Variants in HDGFL2 observed in about 807,000 individuals in gnomAD.
HDGFL2 encodes the protein hepatoma-derived growth factor-related protein 2.
In HDGFL2, 36 loss-of-function variants were observed where a neutral mutation model predicts 77.1. The observed-to-expected ratio is 0.47, with a 90% CI of 0.36 to 0.62. HDGFL2 has a LOEUF of 0.62. Ranked by LOEUF, HDGFL2 falls within the 20% of genes least tolerant of loss-of-function variation. The pLI is 0.00. For missense variants in HDGFL2, 976 were observed against 973.4 expected (o/e 1.00, Z -0.04); for synonymous variants, 463 against 413.1 (o/e 1.12, Z -1.46).
At chr19:4,497,556 G>A (rs960066439) in intron 10 of HDGFL2, 6 of 301,488 alleles carry the variant, frequency 2.0e-5, no homozygotes, top group African/African-American at 8.9e-5. Flanking sequence ...AATTCGGCAG[G>A]CCGGTATGGC....
At chr19:4,492,450 A>T (rs1975541252) in intron 6 of HDGFL2, among the ~76,000 whole-genome samples, 1 of 149,874 alleles carries the variant, frequency 6.7e-6, no homozygotes, top group Non-Finnish European at 1.5e-5. Flanking sequence ...CTATGTGAGT[A>T]TATGTGGTGC....
At chr19:4,501,055 T>C in intron 14 of HDGFL2, 136 bp from the exon 15 acceptor site, 1 of 1,010,120 alleles carries the variant, frequency 9.9e-7, no homozygotes, top group Non-Finnish European at 1.4e-6. Context: ...GGACAGCAGG[T>C]GCTGGGGTCC....
chr19:4,491,100 G>A (rs932004782), intron 4 of HDGFL2, among the ~76,000 whole-genome samples: 2 of 152,056 alleles, frequency 1.3e-5, no homozygotes, highest in African/African-American at 2.4e-5. Context: ...GTGAGCCACC[G>A]TGCCTGGCCA....
In HDGFL2 at chr19:4,472,301, G is replaced by A. The variant is rs1479755102; in HGVS notation, c.-50G>A. On this transcript the variant is annotated 5_prime_UTR_variant, in exon 1 of 16. Transcript: ENST00000616600. ...TGCCGCCGCCGCCGCCGCCGCAGCCGCTACCGCCGCTGCAGCCGCTTTCCG... is the reference window on the plus strand; with the variant it reads ...TGCCGCCGCCGCCGCCGCCGCAGCCACTACCGCCGCTGCAGCCGCTTTCCG... The A allele has an allele frequency of 2.2e-6, 3 of 1,383,894 alleles. No homozygotes were observed. The highest frequency in any genetic ancestry group is 3.1e-5 in the Admixed American group (1 of 32,038). The allele number at this position is 1,383,894 out of a possible 1,614,324, so 85.7% of individuals were successfully genotyped here.
At chr19:4,500,033 C>T (rs948132039) in intron 14 of HDGFL2, among the ~76,000 whole-genome samples, 3 of 27,608 alleles carry the variant, frequency 1.1e-4, no homozygotes, top group East Asian at 9.7e-4. Context: ...CTCTGTGCAG[C>T]GGGGGCAAAG....
rs554175838 is a variant in HDGFL2, at chr19:4,498,147, G to A, written c.1402+116G>A. The stretch of plus-strand genomic sequence containing the variant: ...TAGAGAGGGTGCTCAGCACATCCTC[G>A]GCCGGCCTGGCCGGCGGTGCCTCCA... On this transcript the variant is annotated intron_variant, in intron 11 of 15. Coordinates refer to ENST00000616600, the MANE Select transcript of HDGFL2 (RefSeq NM_001001520.3). 7.5e-6 allele frequency: 9 copies of A among 1,197,386 alleles called. No homozygotes were observed. The Middle Eastern group carries it at 5.9e-4, about 78-fold the overall frequency. The allele number at this position is 1,197,386 out of a possible 1,614,324, so 74.2% of individuals were successfully genotyped here.
intron 10 of HDGFL2, 81 bp downstream of exon 10, chr19:4,496,486 GC>G: frequency 1.9e-6 from 2 of 1,065,644 alleles, no homozygotes; most frequent in Non-Finnish European, 2.8e-6. Flanking sequence ...CACAGGGGCA[GC>G]CCCACCTCTG....
chr19:4,492,560 GTGTC>G (rs1423907497), intron 6 of HDGFL2, among the ~76,000 whole-genome samples: 1 of 151,582 alleles, frequency 6.6e-6, no homozygotes, highest in African/African-American at 2.4e-5. Flanking sequence ...GTGTGTTTGT[GTGTC>G]TGGTGTGTCC....
intron 3 of HDGFL2, among the ~76,000 whole-genome samples, chr19:4,487,046 A>G (rs1344253746): frequency 6.6e-6 from 1 of 150,884 alleles, no homozygotes; most frequent in African/African-American, 2.4e-5. Context: ...GCTCACTGCA[A>G]CCTCTGCTTC....
At chr19:4,501,799 C>A in intron 15 of HDGFL2, 112 bp from the exon 16 acceptor site, 1 of 725,438 alleles carries the variant, frequency 1.4e-6, no homozygotes, top group Non-Finnish European at 2.1e-6. Context: ...GGCACTCGAG[C>A]CTCAGGTGCC....
At chr19:4,497,108 C>G in intron 10 of HDGFL2, 2 of 435,806 alleles carry the variant, frequency 4.6e-6, no homozygotes, top group Non-Finnish European at 9.1e-6. Context: ...CTCCTGACCC[C>G]GTGATCTGCC....
At chr19:4,493,101 GTGGTGTGTGTGTTGTCT>G (rs1232193556) in intron 6 of HDGFL2, among the ~76,000 whole-genome samples, 21 of 140,612 alleles carry the variant, frequency 1.5e-4, no homozygotes, top group South Asian at 6.7e-4. Context: ...TGTGTGGTGT[GTGGTGTGTGTGTTGTCT>G]GTGTGTGGTG....
At chr19:4,492,650 CTGTGTGGTGTGTGTGTCTGGTA>C (rs947505138) in intron 6 of HDGFL2, among the ~76,000 whole-genome samples, 17 of 146,964 alleles carry the variant, frequency 1.2e-4, no homozygotes, top group African/African-American at 4.3e-4. Context: ...TGTGTGTTGT[CTGTGTGGTGTGTGTGTCTGGTA>C]TGTGTGTTGT....
At chr19:4,495,468 G>T (rs1568215501) in intron 9 of HDGFL2, among the ~76,000 whole-genome samples, 1 of 151,828 alleles carries the variant, frequency 6.6e-6, no homozygotes, top group East Asian at 1.9e-4. Context: ...TACATTCTAG[G>T]CAGGAGAAGC....
At chr19:4,497,454 C>T in intron 10 of HDGFL2, 1 of 295,466 alleles carries the variant, frequency 3.4e-6, no homozygotes. Context: ...GCCTCGGCCT[C>T]CCAAAGTGCT....
intron 9 of HDGFL2, among the ~76,000 whole-genome samples, chr19:4,494,751 T>TA (rs1975656875): frequency 6.6e-6 from 1 of 151,956 alleles, no homozygotes; most frequent in South Asian, 2.1e-4. Flanking sequence ...ACCCTGTCTC[T>TA]ATAAAAACCT....
At chr19:4,484,952 T>C (rs77244362) in intron 3 of HDGFL2, among the ~76,000 whole-genome samples, 15,128 of 152,048 alleles carry the variant, frequency 0.099, 941 homozygotes, top group South Asian at 0.21. Context: ...ATTACAGGCA[T>C]GAGCCACCGT....
At chr19:4,476,485 G>A (rs529452939) in intron 3 of HDGFL2, among the ~76,000 whole-genome samples, 2 of 151,870 alleles carry the variant, frequency 1.3e-5, no homozygotes, top group Admixed American at 6.6e-5. Context: ...GAGCCACTGC[G>A]CTTGGCCAGC....
chr19:4,476,111 C>T (rs1229347696), intron 3 of HDGFL2, among the ~76,000 whole-genome samples: 5 of 150,376 alleles, frequency 3.3e-5, no homozygotes, highest in African/African-American at 1.2e-4. Flanking sequence ...AGGATGGTCT[C>T]AATCTCCTGA....
Sources: gnomAD v4.1 joint callset for allele counts (sites outside exome capture counted in the v4.1 genomes callset) on GRCh38, gnomAD v4.1.1 for gene constraint, MANE v1.5 for transcripts, NCBI Gene and HGNC (gene_info 2026-07-23, HGNC 2026-07-21) for gene names.